Variants in GALNTL6 observed in about 807,000 individuals in gnomAD.
The protein encoded by GALNTL6 is polypeptide N-acetylgalactosaminyltransferase like 6.
Under a neutral mutation model 73.7 loss-of-function variants are expected in GALNTL6, and 46 were observed. That is an observed-to-expected ratio of 0.62 (90% CI 0.49 to 0.80). GALNTL6 has a LOEUF of 0.80. Among genes scored for constraint, GALNTL6 ranks in the 30% least tolerant of loss-of-function variants. The pLI, the probability that GALNTL6 is intolerant of heterozygous loss-of-function variation, is 0.00. For synonymous variants in GALNTL6, 259 were observed against 263.7 expected (o/e 0.98, Z 0.17); for missense variants, 604 against 755.0 (o/e 0.80, Z 2.34).
intron 5 of GALNTL6, among the ~76,000 whole-genome samples, chr4:172,474,122 C>T (rs776330191): frequency 2.0e-5 from 3 of 152,256 alleles, no homozygotes; most frequent in African/African-American, 4.8e-5. Context: ...ATACTCCCAA[C>T]GCAGAGCAGC....
intron 3 of GALNTL6, among the ~76,000 whole-genome samples, chr4:172,289,728 C>T (rs1739397192): frequency 6.6e-6 from 1 of 152,076 alleles, no homozygotes; most frequent in South Asian, 2.1e-4. Flanking sequence ...AGTTATTAAC[C>T]AAAATAAAAC....
chr4:172,199,478 C>T (rs1735886092), intron 2 of GALNTL6, among the ~76,000 whole-genome samples: 2 of 152,154 alleles, frequency 1.3e-5, no homozygotes, highest in South Asian at 2.1e-4. Flanking sequence ...AATTCTCTCA[C>T]CATTTGACTT....
intron 5 of GALNTL6, among the ~76,000 whole-genome samples, chr4:172,396,236 T>C (rs1743844837): frequency 1.3e-5 from 2 of 152,134 alleles, no homozygotes; most frequent in African/African-American, 2.4e-5. Context: ...GCCCTGAGTG[T>C]TACTCTTCAT....
chr4:172,500,512 A>G (rs932270092), intron 5 of GALNTL6, among the ~76,000 whole-genome samples: 12 of 152,304 alleles, frequency 7.9e-5, no homozygotes, highest in African/African-American at 1.7e-4. Context: ...GAGAACACCA[A>G]TATAAGTCTC....
intron 5 of GALNTL6, among the ~76,000 whole-genome samples, chr4:172,477,545 T>C (rs1450219363): frequency 6.6e-6 from 1 of 152,100 alleles, no homozygotes; most frequent in Non-Finnish European, 1.5e-5. Flanking sequence ...AGAAATTCAC[T>C]CAGAAGCAAC....
chr4:171,907,247 C>T (rs1017221869), intron 2 of GALNTL6, among the ~76,000 whole-genome samples: 1 of 152,118 alleles, frequency 6.6e-6, no homozygotes, highest in African/African-American at 2.4e-5. Flanking sequence ...TAGAAAACCC[C>T]ATTGTCTCAG....
chr4:172,957,061 C>T (rs551229371), intron 10 of GALNTL6, among the ~76,000 whole-genome samples: 5 of 152,280 alleles, frequency 3.3e-5, no homozygotes, highest in African/African-American at 1.2e-4. Flanking sequence ...GTGAAAGTGT[C>T]TACCTAGACC....
intron 2 of GALNTL6, among the ~76,000 whole-genome samples, chr4:171,952,117 T>C (rs1399507514): frequency 6.6e-6 from 1 of 152,050 alleles, no homozygotes; most frequent in Non-Finnish European, 1.5e-5. Flanking sequence ...AGTATTGGAA[T>C]GGAGATAAAC....
intron 5 of GALNTL6, among the ~76,000 whole-genome samples, chr4:172,464,459 G>A (rs1484204333): frequency 6.6e-6 from 1 of 152,034 alleles, no homozygotes; most frequent in Non-Finnish European, 1.5e-5. Flanking sequence ...TGTAATCCCA[G>A]CATTTTGGGA....
intron 11 of GALNTL6, among the ~76,000 whole-genome samples, chr4:173,018,500 T>C (rs1752868844): frequency 6.6e-6 from 1 of 152,168 alleles, no homozygotes. Flanking sequence ...CTCCAAGCCC[T>C]GCAACTAAGG....
intron 5 of GALNTL6, among the ~76,000 whole-genome samples, chr4:172,754,995 C>T (rs1737662262): frequency 6.6e-6 from 1 of 152,114 alleles, no homozygotes; most frequent in Non-Finnish European, 1.5e-5. Context: ...ACCAATTGCC[C>T]ACCCAGATTT....
chr4:172,987,315 A>G (rs1389354198), intron 10 of GALNTL6, among the ~76,000 whole-genome samples: 1 of 152,142 alleles, frequency 6.6e-6, no homozygotes, highest in Non-Finnish European at 1.5e-5. Context: ...AGCAAGGAGA[A>G]GGTGGCAGCT....
chr4:172,590,862 G>A (rs1198052367), intron 5 of GALNTL6, among the ~76,000 whole-genome samples: 2 of 152,060 alleles, frequency 1.3e-5, no homozygotes, highest in Non-Finnish European at 1.5e-5. Flanking sequence ...AATGATATTA[G>A]ATCCAATAGT....
chr4:172,512,942 TTTGCAATGAA>T (rs1168249851), intron 5 of GALNTL6, among the ~76,000 whole-genome samples: 42 of 152,162 alleles, frequency 2.8e-4, no homozygotes, highest in African/African-American at 9.4e-4. Context: ...TGGTTATCTT[TTTGCAATGAA>T]TTTCCTGGGT....
chr4:172,724,448 T>C (rs891315647), intron 5 of GALNTL6, among the ~76,000 whole-genome samples: 1 of 152,178 alleles, frequency 6.6e-6, no homozygotes, highest in African/African-American at 2.4e-5. Flanking sequence ...GAGTCACCCA[T>C]CATGAATGAC....
intron 2 of GALNTL6, among the ~76,000 whole-genome samples, chr4:171,880,943 C>T (rs1286507118): frequency 6.6e-6 from 1 of 152,086 alleles, no homozygotes; most frequent in African/African-American, 2.4e-5. Context: ...AACTAAGGCT[C>T]TTGGGCATTT....
At chr4:172,584,992 A>C (rs572139836) in intron 5 of GALNTL6, among the ~76,000 whole-genome samples, 16 of 152,210 alleles carry the variant, frequency 1.1e-4, no homozygotes, top group Admixed American at 9.8e-4. Context: ...GGAGGCAGTT[A>C]TGCAAGAGAA....
intron 5 of GALNTL6, among the ~76,000 whole-genome samples, chr4:172,682,979 A>G (rs1205911761): frequency 6.6e-6 from 1 of 152,216 alleles, no homozygotes; most frequent in Non-Finnish European, 1.5e-5. Flanking sequence ...TAGGAAAGGT[A>G]TGCCTAAGCC....
intron 2 of GALNTL6, among the ~76,000 whole-genome samples, chr4:172,001,886 A>G (rs1466257045): frequency 6.6e-6 from 1 of 152,154 alleles, no homozygotes; most frequent in Non-Finnish European, 1.5e-5. Flanking sequence ...CTTCAGACCC[A>G]TTATTAAATT....
Sources: gnomAD v4.1 joint callset for allele counts (sites outside exome capture counted in the v4.1 genomes callset) on GRCh38, gnomAD v4.1.1 for gene constraint, MANE v1.5 for transcripts, NCBI Gene and HGNC (gene_info 2026-07-23, HGNC 2026-07-21) for gene names.